IRAG1: variants seen among roughly 807,000 people sequenced by gnomAD.
IRAG1 encodes the protein IP3R-associated cGMP kinase substrate.
A neutral mutation model predicts 106.2 loss-of-function variants in IRAG1; 62 were observed. That is an observed-to-expected ratio of 0.58 (90% confidence interval 0.48 to 0.72). The LOEUF is 0.72. IRAG1 is among the 30% of genes least tolerant of loss of function. IRAG1 has a pLI of 0.00. For synonymous variants in IRAG1, 462 were observed against 443.9 expected, an observed-to-expected ratio of 1.04 and a Z score of -0.51; for missense variants, 1,064 against 1,140.7, an observed-to-expected ratio of 0.93 and a Z score of 0.97.
intron 1 of IRAG1, among the ~76,000 whole-genome samples, chr11:10,678,527 G>C (rs949706178): frequency 3.9e-5 from 6 of 152,298 alleles, no homozygotes; most frequent in African/African-American, 1.4e-4. Context: ...TTCAGAGGAT[G>C]AAGTGATGCG....
intron 1 of IRAG1, among the ~76,000 whole-genome samples, chr11:10,661,218 T>C (rs1173051041): frequency 6.6e-6 from 1 of 152,158 alleles, no homozygotes; most frequent in Non-Finnish European, 1.5e-5. Flanking sequence ...CCCTGCTTTT[T>C]TACACCCTTT....
At chr11:10,632,921 C>T (rs1173563317) in intron 3 of IRAG1, among the ~76,000 whole-genome samples, 1 of 152,212 alleles carries the variant, frequency 6.6e-6, no homozygotes, top group Non-Finnish European at 1.5e-5. Flanking sequence ...CTTTCCTCCC[C>T]ACTGATGATA....
At chr11:10,677,055 AC>A (rs549334578) in intron 1 of IRAG1, among the ~76,000 whole-genome samples, 158 of 152,222 alleles carry the variant, frequency 1.0e-3, no homozygotes, top group African/African-American at 3.6e-3. Context: ...CCTCAGATCC[AC>A]CTGCAAAGCT....
rs2134031917 is a variant in IRAG1, at chr11:10,575,171, G to C, written c.*1161C>G. On this transcript the variant is annotated 3_prime_UTR_variant, in exon 21 of 21. Coordinates refer to ENST00000423302, the MANE Select transcript of IRAG1 (RefSeq NM_130385.4). ...AAAAGTGGGGAGAGAAGTCAAAATG[G>C]AGAGGGGATGTGCTCCTTCAGTGTT... 6.6e-6 allele frequency: 1 copy of C among 152,348 alleles called. No homozygotes were observed. Among genetic ancestry groups the C allele is most frequent in the South Asian group, 2.1e-4 (1 of 4,832 alleles). The allele number at this position is 152,348 out of a possible 1,614,324, so 9.4% of individuals were successfully genotyped here.
intron 14 of IRAG1, among the ~76,000 whole-genome samples, chr11:10,602,704 T>C (rs1371878650): frequency 6.6e-6 from 1 of 152,244 alleles, no homozygotes; most frequent in African/African-American, 2.4e-5. Context: ...TGTCAAATAC[T>C]AGCTCCATGG....
intron 18 of IRAG1, among the ~76,000 whole-genome samples, chr11:10,588,825 C>T (rs889468740): frequency 3.2e-4 from 49 of 152,326 alleles, no homozygotes; most frequent in African/African-American, 1.1e-3. Flanking sequence ...CTGTCTTTCC[C>T]GCTAGACTGC....
chr11:10,689,535 A>G (rs1445238152), intron 1 of IRAG1, among the ~76,000 whole-genome samples: 1 of 152,222 alleles, frequency 6.6e-6, no homozygotes, highest in African/African-American at 2.4e-5. Flanking sequence ...CTGAGAGCTG[A>G]GTCTCCAAAT....
intron 11 of IRAG1, among the ~76,000 whole-genome samples, chr11:10,608,341 G>A (rs772879152): frequency 2.6e-5 from 4 of 151,914 alleles, no homozygotes; most frequent in Non-Finnish European, 4.4e-5. Flanking sequence ...TGTTGTCCAG[G>A]CTGGTCTTAA....
chr11:10,579,975 C>T (rs41464450), intron 20 of IRAG1, among the ~76,000 whole-genome samples: 13,853 of 152,254 alleles, frequency 0.091, 790 homozygotes, highest in Admixed American at 0.14. Context: ...GGAGACTCAC[C>T]TTTGCCACTG....
intron 11 of IRAG1, among the ~76,000 whole-genome samples, chr11:10,608,561 T>G (rs1479784960): frequency 1.3e-5 from 2 of 152,148 alleles, no homozygotes; most frequent in Non-Finnish European, 2.9e-5. Context: ...GCCTTACAAA[T>G]GGGCATAGGT....
intron 1 of IRAG1, among the ~76,000 whole-genome samples, chr11:10,681,199 C>T (rs1021627787): frequency 1.3e-5 from 2 of 152,210 alleles, no homozygotes; most frequent in Admixed American, 1.3e-4. Context: ...GCATACTCAT[C>T]TGCCCCCAGA....
rs963575482 is a variant in IRAG1 at position 10,627,588 on chromosome 11, G to C, written c.750+128C>G. Reference sequence around the variant, plus strand: ...GGCAGGGGAATCTGCTGTTTCCCCAGCCCTGACCCTCCACTCATACGTGTG... The same window carrying C: ...GGCAGGGGAATCTGCTGTTTCCCCACCCCTGACCCTCCACTCATACGTGTG... On this transcript the variant is annotated intron_variant, in intron 8 of 20. Coordinates refer to ENST00000423302, the MANE Select transcript of IRAG1 (RefSeq NM_130385.4). The C allele has an allele frequency of 7.2e-6, 7 of 969,624 alleles. No individual in the cohort carries two copies. The Admixed American group carries it at 7.6e-5, about 11-fold the overall frequency. The allele number at this position is 969,624 out of a possible 1,614,324, so 60.1% of individuals were successfully genotyped here. A position where few individuals can be genotyped will look rare whatever the true frequency, so the allele number is the denominator to read the frequency against.
intron 15 of IRAG1, 98 bp downstream of exon 15, chr11:10,600,820 A>T (rs1853913863): frequency 1.3e-6 from 2 of 1,489,012 alleles, no homozygotes. Flanking sequence ...TCAACTGGAA[A>T]TAAGTCCTGG....
At chr11:10,693,129 G>A (rs748095254) in intron 1 of IRAG1, among the ~76,000 whole-genome samples, 43 of 152,132 alleles carry the variant, frequency 2.8e-4, no homozygotes, top group Admixed American at 5.2e-4. Flanking sequence ...GGGCGTAGGG[G>A]GACAGAGAGA....
At chr11:10,615,550 A>G (rs1321671271) in intron 10 of IRAG1, among the ~76,000 whole-genome samples, 2 of 152,254 alleles carry the variant, frequency 1.3e-5, no homozygotes, top group Admixed American at 6.5e-5. Context: ...CATCAATGAT[A>G]GACTGGATTA....
At chr11:10,673,766 C>T (rs1860435255) in intron 1 of IRAG1, among the ~76,000 whole-genome samples, 1 of 151,884 alleles carries the variant, frequency 6.6e-6, no homozygotes, top group African/African-American at 2.4e-5. Flanking sequence ...GCATAGCTTC[C>T]TCAAACATAA....
chr11:10,640,761 C>T (rs7123106), intron 2 of IRAG1, among the ~76,000 whole-genome samples: 113,477 of 152,102 alleles, frequency 0.75, 43,291 homozygotes, highest in Middle Eastern at 0.81. Flanking sequence ...GCCAGACAAC[C>T]TACTGGCTTA....
intron 17 of IRAG1, 136 bp downstream of exon 17, chr11:10,593,356 C>G: frequency 1.5e-6 from 1 of 648,936 alleles, no homozygotes; most frequent in Non-Finnish European, 2.7e-6. Flanking sequence ...GAGCCTATCA[C>G]TCAGATTCTA....
At position 10,591,605 on chromosome 11, in the gene IRAG1, G is replaced by C; in HGVS notation, c.2183C>G (p.Ser728Ter). The C allele has an allele frequency of 6.3e-7, 1 of 1,592,654 alleles. No individual in the cohort carries two copies. Among genetic ancestry groups the C allele is most frequent in the Non-Finnish European group, 8.6e-7 (1 of 1,169,448 alleles). Residue 728 changes from serine (S) to a stop codon, truncating the protein, a stop_gained, in exon 18 of 21, where the codon TCA becomes TGA. Coordinates refer to ENST00000423302, the MANE Select transcript of IRAG1 (RefSeq NM_130385.4). LOFTEE classifies it high-confidence loss of function. ...AGGTAGGCTGCCTTTCCCATTGGGT[G>C]ATTCCGACTGAGTGAAAAACAGAAG... Reference protein sequence around the residue: ...SIPSLPALSESPNGKGSLPVT... With the variant: ...SIPSLPALSE
Sources: gnomAD v4.1 joint callset for allele counts (sites outside exome capture counted in the v4.1 genomes callset) on GRCh38, gnomAD v4.1.1 for gene constraint, MANE v1.5 for transcripts, NCBI Gene and HGNC (gene_info 2026-07-23, HGNC 2026-07-21) for gene names.